The following TBX18 variants were observed in gnomAD, a reference collection of about 807,000 sequenced individuals.
TBX18 encodes the protein T-box transcription factor 18, also known as T-box transcription factor TBX18.
In TBX18, 21 loss-of-function variants were observed where a neutral mutation model predicts 55.0. The observed-to-expected ratio is 0.38, with a 90% CI of 0.27 to 0.55. TBX18 has a LOEUF of 0.55. Ranked by LOEUF, TBX18 falls within the 20% of genes least tolerant of loss-of-function variation. The pLI is 0.73. For synonymous variants in TBX18, 342 were observed against 326.1 expected (o/e 1.05, Z -0.53); for missense variants, 840 against 799.6 (o/e 1.05, Z -0.61).
rs534723467 is a variant in TBX18, at chr6:84,747,814, G to A, written c.939+106C>T. On this transcript the variant is annotated intron_variant, in intron 5 of 7. Coordinates refer to ENST00000369663, the MANE Select transcript of TBX18 (RefSeq NM_001080508.3). Reference sequence around the variant, plus strand: ...TATATACACTTTGAATGTCATATATGGCAAATGCTTTATAATTCATAATAT... The same window carrying A: ...TATATACACTTTGAATGTCATATATAGCAAATGCTTTATAATTCATAATAT... The A allele has an allele frequency of 1.9e-5, 20 of 1,070,488 alleles. No individual in the cohort carries two copies. In the African/African-American group the frequency reaches 2.1e-4, roughly 11 times the overall value. 66.3% of individuals were successfully genotyped at this position (1,070,488 alleles called of 1,614,324 possible).
chr6:84,762,421 T>C, intron 2 of TBX18, 123 bp downstream of exon 2: 2 of 1,199,010 alleles, frequency 1.7e-6, no homozygotes, highest in Non-Finnish European at 1.2e-6. Flanking sequence ...CCTGGTCCCG[T>C]TTGACCGAAA....
chr6:84,737,153 G>A lies in TBX18; in HGVS notation c.1356C>T (p.Pro452=). 1.2e-6 allele frequency: 2 copies of A among 1,614,096 alleles called. No homozygotes were observed. The highest frequency in any genetic ancestry group is 8.5e-7 in the Non-Finnish European group (1 of 1,179,968). Residue 452 remains proline, a synonymous_variant, in exon 8 of 8, where the codon CCC becomes CCT. Transcript: ENST00000369663. ...TNQAGETFAP[P]RTPSYVGVSS... ...TCACGCCCACATAGGAGGGAGTCCTGGGCGGGGCAAAGGTCTCACCAGCCT... is the reference window on the plus strand; with the variant it reads ...TCACGCCCACATAGGAGGGAGTCCTAGGCGGGGCAAAGGTCTCACCAGCCT...
chr6:84,762,226 A>T (rs964327076), intron 2 of TBX18, among the ~76,000 whole-genome samples: 2 of 152,220 alleles, frequency 1.3e-5, no homozygotes, highest in Admixed American at 6.5e-5. Flanking sequence ...ATACCTGGAC[A>T]AGGGTAAATA....
In TBX18 at chr6:84,764,064, T is replaced by G; in HGVS notation, c.118A>C (p.Lys40Gln). Residue 40 changes from lysine (K) to glutamine (Q), a missense_variant, in exon 1 of 8, where the codon AAA (lysine) becomes CAA (glutamine). Physicochemically the swap from Lys to Gln is moderately conservative, Grantham distance 53. Coordinates refer to ENST00000369663, the MANE Select transcript of TBX18 (RefSeq NM_001080508.3). Reference protein sequence around the residue: ...KQQQLQKKRRKLGAEEAAGAV... With the variant: ...KQQQLQKKRRQLGAEEAAGAV... ...CCCGCCGCCTCTTCGGCGCCCAGTT[T>G]TCGCCGCTTCTTCTGAAGCTGTTGC... The G allele has an allele frequency of 1.3e-6, 2 of 1,573,164 alleles. No individual in the cohort carries two copies. Among genetic ancestry groups the G allele is most frequent in the Non-Finnish European group, 1.7e-6 (2 of 1,163,276 alleles).
At chr6:84,759,476 T>C (rs1767588213) in intron 3 of TBX18, among the ~76,000 whole-genome samples, 1 of 152,040 alleles carries the variant, frequency 6.6e-6, no homozygotes, top group South Asian at 2.1e-4. Context: ...CTTCCTTATT[T>C]AAATGTTAAT....
At chr6:84,743,963 G>A (rs892211619) in intron 6 of TBX18, among the ~76,000 whole-genome samples, 1 of 152,142 alleles carries the variant, frequency 6.6e-6, no homozygotes, top group Non-Finnish European at 1.5e-5. Flanking sequence ...ATTTAATTAG[G>A]ATACTGAAGC....
At chr6:84,738,325 C>T (rs1414778584) in intron 7 of TBX18, among the ~76,000 whole-genome samples, 172 bp downstream of exon 7, 3 of 152,058 alleles carry the variant, frequency 2.0e-5, no homozygotes, top group African/African-American at 4.8e-5. Flanking sequence ...CCATGAGAGC[C>T]GTTTTTTCCT....
chr6:84,746,490 A>T (rs900366257), intron 5 of TBX18, among the ~76,000 whole-genome samples: 14 of 146,786 alleles, frequency 9.5e-5, no homozygotes, highest in African/African-American at 3.4e-4. Context: ...TATACTATTT[A>T]TATATTTATA....
At position 84,736,654 on chromosome 6, in the gene TBX18, G is replaced by C; in HGVS notation, c.*31C>G. 6.7e-7 allele frequency: 1 copy of C among 1,499,746 alleles called. No individual in the cohort carries two copies. Among genetic ancestry groups the C allele is most frequent in the South Asian group, 1.4e-5 (1 of 71,144 alleles). The allele number at this position is 1,499,746 out of a possible 1,614,324, so 92.9% of individuals were successfully genotyped here. Reference sequence around the variant, plus strand: ...AAAGAAAAAGAAAATATGTTAGACAGATCCAAATGTCATTTAACTTAAAGG... The same window carrying C: ...AAAGAAAAAGAAAATATGTTAGACACATCCAAATGTCATTTAACTTAAAGG... On this transcript the variant is annotated 3_prime_UTR_variant, in exon 8 of 8. Coordinates refer to ENST00000369663, the MANE Select transcript of TBX18 (RefSeq NM_001080508.3).
In TBX18 at chr6:84,747,995, T is replaced by C. The variant is rs1767242296; in HGVS notation, c.864A>G (p.Pro288=). The C allele has an allele frequency of 6.2e-7, 1 of 1,613,448 alleles. No homozygotes were observed. Among genetic ancestry groups the C allele is most frequent in the South Asian group, 1.1e-5 (1 of 91,028 alleles). ...AGAATGCCTTTACTCCCTCCCCGGATGGAACAGGCTTGATGGGAGAAAGAT... is the reference window on the plus strand; with the variant it reads ...AGAATGCCTTTACTCCCTCCCCGGACGGAACAGGCTTGATGGGAGAAAGAT... ...GDDLSPIKPV[P]SGEGVKAFSF... is the part of the protein sequence containing the mutation. Residue 288 remains proline, a synonymous_variant, in exon 5 of 8, where the codon CCA becomes CCG. Coordinates refer to ENST00000369663, the MANE Select transcript of TBX18 (RefSeq NM_001080508.3).
At position 84,737,247 on chromosome 6, in the gene TBX18, G is replaced by C. The variant is rs772174501; in HGVS notation, c.1262C>G (p.Ala421Gly). Residue 421 changes from alanine to glycine, a missense_variant, in exon 8 of 8, where the codon GCC (alanine) becomes GGC (glycine). Coordinates refer to ENST00000369663, the MANE Select transcript of TBX18 (RefSeq NM_001080508.3). ...SLAPADYSAC[A>G]RSGLTLNRYS... ...TCGGTTGAGGGTGAGGCCTGAGCGG[G>C]CACAGGCAGAATAGTCAGCAGGGGC... 1.2e-6 allele frequency: 2 copies of C among 1,608,950 alleles called. No homozygotes were observed. The highest frequency in any genetic ancestry group is 1.7e-6 in the Non-Finnish European group (2 of 1,177,176).
rs1160545459 is a variant in TBX18 at position 84,736,080 on chromosome 6, T to G, written c.*605A>C. 3 of 152,540 alleles carry G rather than the reference T, an allele frequency of 2.0e-5. No homozygotes were observed. The highest frequency in any genetic ancestry group is 7.2e-5 in the African/African-American group (3 of 41,444). 9.4% of individuals were successfully genotyped at this position (152,540 alleles called of 1,614,324 possible). On this transcript the variant is annotated 3_prime_UTR_variant, in exon 8 of 8. Transcript: ENST00000369663. Reference sequence around the variant, plus strand: ...TAAGAAAATAACAATTATTATGGGTTATGATTTTTTTATAGACCCAAGGTC... The same window carrying G: ...TAAGAAAATAACAATTATTATGGGTGATGATTTTTTTATAGACCCAAGGTC...
intron 6 of TBX18, among the ~76,000 whole-genome samples, chr6:84,739,738 G>C (rs1489043076): frequency 2.0e-5 from 3 of 152,110 alleles, no homozygotes; most frequent in Non-Finnish European, 2.9e-5. Flanking sequence ...ACTAAGACTA[G>C]AGGAATCCAC....
intron 4 of TBX18, among the ~76,000 whole-genome samples, chr6:84,750,774 A>T (rs1318467531): frequency 6.6e-6 from 1 of 152,174 alleles, no homozygotes. Context: ...GAAGCAGTTA[A>T]TTGAGCCCCA....
intron 6 of TBX18, among the ~76,000 whole-genome samples, chr6:84,739,239 G>A (rs1766978395): frequency 6.6e-6 from 1 of 151,852 alleles, no homozygotes; most frequent in South Asian, 2.1e-4. Context: ...TGACCTCACA[G>A]GGCTATCTAG....
At chr6:84,737,613 G>T (rs1055985324) in intron 7 of TBX18, among the ~76,000 whole-genome samples, 2 of 152,180 alleles carry the variant, frequency 1.3e-5, no homozygotes, top group Non-Finnish European at 2.9e-5. Context: ...TGAATCACAT[G>T]CTAATACAAG....
intron 6 of TBX18, among the ~76,000 whole-genome samples, chr6:84,743,574 C>T (rs942761359): frequency 1.3e-5 from 2 of 152,162 alleles, no homozygotes; most frequent in Admixed American, 6.6e-5. Context: ...TACTTACTAA[C>T]AGTTACTTTA....
intron 6 of TBX18, among the ~76,000 whole-genome samples, chr6:84,742,925 T>C (rs1767084412): frequency 6.6e-6 from 1 of 152,302 alleles, no homozygotes; most frequent in East Asian, 1.9e-4. Context: ...AGTTATTAAA[T>C]GATGGTTCAA....
At position 84,737,060 on chromosome 6, in the gene TBX18, G is replaced by C. The variant is rs770119823; in HGVS notation, c.1449C>G (p.Thr483=). 4.3e-6 allele frequency: 7 copies of C among 1,614,144 alleles called. No homozygotes were observed. The highest frequency in any genetic ancestry group is 4.2e-6 in the Non-Finnish European group (5 of 1,180,004). ...TDGDTFSCPQ[T]SLSMQISGMS... is the part of the protein sequence containing the mutation. Reference sequence around the variant, plus strand: ...TTCCCGAAATCTGCATGGATAAGCTGGTCTGTGGGCAGCTGAAGGTGTCCC... The same window carrying C: ...TTCCCGAAATCTGCATGGATAAGCTCGTCTGTGGGCAGCTGAAGGTGTCCC... The change falls in exon 8 of 8, where the codon ACC becomes ACG. Residue 483 remains threonine, a synonymous_variant. Transcript: ENST00000369663.
Sources: allele counts gnomAD v4.1 joint callset (sites outside exome capture counted in the v4.1 genomes callset), GRCh38; gene constraint gnomAD v4.1.1; transcripts MANE v1.5; gene names NCBI Gene and HGNC (gene_info 2026-07-23, HGNC 2026-07-21).